Variants in BIRC6 observed in about 807,000 individuals in gnomAD.
BIRC6 encodes the protein baculoviral IAP repeat containing 6.
Under a neutral mutation model 503.3 loss-of-function variants are expected in BIRC6, and 98 were observed. That is an observed-to-expected ratio of 0.19 (90% confidence interval 0.17 to 0.23). BIRC6 has a LOEUF of 0.23. Ranked by LOEUF, BIRC6 falls within the 10% of genes least tolerant of loss-of-function variation. The probability of loss-of-function intolerance (pLI) is 1.00; values close to 1 mark genes in which losing one functional copy is unlikely to be tolerated. For missense variants in BIRC6, 5,360 were observed against 5,806.0 expected (o/e 0.92, Z 2.50); for synonymous variants, 2,240 against 2,078.7 (o/e 1.08, Z -2.11).
Position 32,519,536 on chromosome 2 carries a change from A to AG in BIRC6, c.11623+596dup, listed in dbSNP as rs762677076. Among the ~76,000 whole-genome samples, 168 of 152,076 alleles carry AG rather than the reference A, an allele frequency of 1.1e-3. 1 individual carries two copies. The highest frequency in any genetic ancestry group is 1.6e-3 in the Non-Finnish European group (108 of 67,968). On this transcript the variant is annotated intron_variant, in intron 57 of 73. Coordinates refer to ENST00000421745, the MANE Select transcript of BIRC6 (RefSeq NM_016252.4). ...TTTTATTTATTTATTTAATTTTGAG[A>AG]GGGGGGTCTCACTCTGTCACCCAGG...
chr2:32,511,588 C>T (rs971962982), intron 53 of BIRC6, among the ~76,000 whole-genome samples: 1 of 149,696 alleles, frequency 6.7e-6, no homozygotes, highest in Non-Finnish European at 1.5e-5. Flanking sequence ...CCTCAGGCCT[C>T]CCAAGTGCTG....
At chr2:32,386,485 T>G (rs1212210367) in intron 3 of BIRC6, among the ~76,000 whole-genome samples, 4 of 150,482 alleles carry the variant, frequency 2.7e-5, no homozygotes, top group Non-Finnish European at 5.9e-5. Context: ...GCTCTGTCAC[T>G]CAGGCTGGAG....
At chr2:32,534,576 C>CA in intron 61 of BIRC6, among the ~76,000 whole-genome samples, 1 of 150,568 alleles carries the variant, frequency 6.6e-6, no homozygotes, top group South Asian at 2.1e-4. Flanking sequence ...ACTAAAAGTA[C>CA]AAAAATTAGC....
At chr2:32,380,412 A>G (rs905439236) in intron 3 of BIRC6, 122 bp downstream of exon 3, 44 of 1,309,494 alleles carry the variant, frequency 3.4e-5, no homozygotes, top group Non-Finnish European at 4.0e-5. Flanking sequence ...TTTAAAAAGC[A>G]GAATGTGCTT....
intron 23 of BIRC6, among the ~76,000 whole-genome samples, chr2:32,459,638 G>A (rs2047618342): frequency 6.6e-6 from 1 of 152,014 alleles, no homozygotes; most frequent in African/African-American, 2.4e-5. Context: ...TCCTAATATT[G>A]ACTTTTTAAA....
At chr2:32,532,238 A>G (rs776164685) in intron 61 of BIRC6, 12 of 529,304 alleles carry the variant, frequency 2.3e-5, no homozygotes, top group Non-Finnish European at 3.9e-5. Flanking sequence ...AAATACCACA[A>G]ACGGGCTGGC....
intron 66 of BIRC6, among the ~76,000 whole-genome samples, chr2:32,584,970 T>A (rs2060930359): frequency 6.6e-6 from 1 of 152,138 alleles, no homozygotes; most frequent in Non-Finnish European, 1.5e-5. Context: ...CAGAAAAAAA[T>A]ATACCAGATT....
chr2:32,415,847 C>T lies in BIRC6; in HGVS notation c.2556C>T (p.Pro852=). 1.9e-6 allele frequency: 3 copies of T among 1,613,794 alleles called. No individual in the cohort carries two copies. Among genetic ancestry groups the T allele is most frequent in the Non-Finnish European group, 1.7e-6 (2 of 1,179,866 alleles). The change falls in exon 10 of 74, where the codon CCC becomes CCT. Residue 852 remains proline (P), a synonymous_variant. Transcript: ENST00000421745. ...TAAAAATACAACATATCAAAGATCC[C>T]CAGGACACAATTACCTCGCTCATTT... The part of the protein sequence containing the change: ...EPIKIQHIKD[P]QDTITSLILL...
chr2:32,531,556 G>C lies in BIRC6; in HGVS notation c.12291+5G>C. 1 of 1,602,804 alleles carries C rather than the reference G, an allele frequency of 6.2e-7. No homozygotes were observed. The highest frequency in any genetic ancestry group is 8.5e-7 in the Non-Finnish European group (1 of 1,173,404). On this transcript the variant is annotated splice_donor_5th_base_variant and intron_variant, in intron 61 of 73. Transcript: ENST00000421745. ...TATCCAGAAGTAATTCAACAGGTAAGATAAGATTTCCTAATCGAGTATATC... is the reference window on the plus strand; with the variant it reads ...TATCCAGAAGTAATTCAACAGGTAACATAAGATTTCCTAATCGAGTATATC...
chr2:32,601,640 T>A (rs2062067163), intron 70 of BIRC6, among the ~76,000 whole-genome samples: 1 of 152,172 alleles, frequency 6.6e-6, no homozygotes, highest in Admixed American at 6.5e-5. Flanking sequence ...AATTATTAAA[T>A]TATTAAAAGT....
chr2:32,571,731 G>A (rs1046036143), intron 65 of BIRC6, among the ~76,000 whole-genome samples: 14 of 151,902 alleles, frequency 9.2e-5, no homozygotes, highest in Non-Finnish European at 1.9e-4. Flanking sequence ...TATTTTTGTT[G>A]TGGGGGGCTG....
At chr2:32,509,077 A>G (rs948971354) in intron 51 of BIRC6, among the ~76,000 whole-genome samples, 1 of 152,042 alleles carries the variant, frequency 6.6e-6, no homozygotes. Flanking sequence ...AAAAAAAAAA[A>G]AGAATTTAGG....
chr2:32,612,139 A>G (rs1275747519), intron 73 of BIRC6, among the ~76,000 whole-genome samples: 3 of 152,196 alleles, frequency 2.0e-5, no homozygotes, highest in African/African-American at 4.8e-5. Flanking sequence ...AATCACTGGA[A>G]TTATAGGCAT....
intron 57 of BIRC6, among the ~76,000 whole-genome samples, chr2:32,519,941 C>G (rs960772008): frequency 1.3e-5 from 2 of 152,176 alleles, no homozygotes; most frequent in African/African-American, 4.8e-5. Flanking sequence ...TAAACATGAG[C>G]AAGACACACA....
In BIRC6 at chr2:32,478,892, A is replaced by T. The variant is rs2050064817; in HGVS notation, c.7252+74A>T. On this transcript the variant is annotated intron_variant, in intron 36 of 73. Coordinates refer to ENST00000421745, the MANE Select transcript of BIRC6 (RefSeq NM_016252.4). Reference sequence around the variant, plus strand: ...TGCTCAACTAAGAATCTTCAAAGGGATCTTTAACCCCTAGAGGGATCTTTA... The same window carrying T: ...TGCTCAACTAAGAATCTTCAAAGGGTTCTTTAACCCCTAGAGGGATCTTTA... 7 of 1,450,986 alleles carry T rather than the reference A, an allele frequency of 4.8e-6. No homozygotes were observed. The African/African-American group carries it at 7.1e-5, about 15-fold the overall frequency. The allele number at this position is 1,450,986 out of a possible 1,614,324, so 89.9% of individuals were successfully genotyped here.
intron 3 of BIRC6, among the ~76,000 whole-genome samples, chr2:32,382,685 T>G (rs1253337803): frequency 6.6e-6 from 1 of 152,208 alleles, no homozygotes; most frequent in African/African-American, 2.4e-5. Context: ...CTTTATATAT[T>G]TGAACTTTCA....
At chr2:32,609,164 G>A (rs1281708940) in intron 72 of BIRC6, among the ~76,000 whole-genome samples, 2 of 152,100 alleles carry the variant, frequency 1.3e-5, no homozygotes, top group African/African-American at 2.4e-5. Flanking sequence ...AATTACAGGC[G>A]TGAGCCACTG....
rs868364927 is a variant in BIRC6 at position 32,408,090 on chromosome 2, C to T, written c.1477+1533C>T. On this transcript the variant is annotated intron_variant, in intron 9 of 73. Transcript: ENST00000421745. ...TCAAGGGATTCTCTTGCCTCAGCCTCGTGAGTAGCTGGGATTATAGGTGCC... is the reference window on the plus strand; with the variant it reads ...TCAAGGGATTCTCTTGCCTCAGCCTTGTGAGTAGCTGGGATTATAGGTGCC... Among the ~76,000 whole-genome samples the T allele has an allele frequency of 8.3e-4, 127 of 152,144 alleles. 1 individual carries two copies. The highest frequency in any genetic ancestry group is 3.4e-3 in the Middle Eastern group (1 of 294).
intron 53 of BIRC6, 35 bp downstream of exon 53, chr2:32,510,669 C>T (rs751208394): frequency 3.8e-6 from 5 of 1,317,258 alleles, no homozygotes; most frequent in Admixed American, 1.7e-5. Context: ...TAAGCACACA[C>T]ATGCACATAA....
Sources: gnomAD v4.1 joint callset for allele counts (sites outside exome capture counted in the v4.1 genomes callset) on GRCh38, gnomAD v4.1.1 for gene constraint, MANE v1.5 for transcripts, NCBI Gene and HGNC (gene_info 2026-07-23, HGNC 2026-07-21) for gene names.